The following PPP1R14C variants were observed in gnomAD, a reference collection of about 807,000 sequenced individuals.
PPP1R14C encodes the protein protein phosphatase 1 regulatory subunit 14C.
PPP1R14C carries 16 observed loss-of-function variants against 20.4 expected under a neutral mutation model. The ratio of observed to expected loss-of-function variants is 0.78; its 90% confidence interval spans 0.53 to 1.19. The LOEUF (loss-of-function observed/expected upper bound fraction) is 1.19. Among genes scored for constraint, PPP1R14C ranks in the 50% most tolerant of loss-of-function variants. The probability of loss-of-function intolerance (pLI) is 0.00; values close to 1 mark genes in which losing one functional copy is unlikely to be tolerated. For synonymous variants in PPP1R14C, 91 were observed against 91.0 expected (o/e 1.00, Z 0.00); for missense variants, 211 against 220.1 (o/e 0.96, Z 0.26).
At chr6:150,153,384 G>A (rs992415552) in intron 1 of PPP1R14C, among the ~76,000 whole-genome samples, 1 of 152,226 alleles carries the variant, frequency 6.6e-6, no homozygotes, top group East Asian at 1.9e-4. Flanking sequence ...AAGTTGTGGC[G>A]TAAGGCACAG....
intron 3 of PPP1R14C, among the ~76,000 whole-genome samples, chr6:150,231,119 C>T (rs1778289583): frequency 1.3e-5 from 2 of 152,178 alleles, no homozygotes; most frequent in Admixed American, 1.3e-4. Context: ...ATACCACGCC[C>T]CTGTGACAGA....
chr6:150,234,952 T>G (rs1778340717), intron 3 of PPP1R14C, among the ~76,000 whole-genome samples: 1 of 149,388 alleles, frequency 6.7e-6, no homozygotes, highest in African/African-American at 2.5e-5. Context: ...AGAAGCCAAG[T>G]AAAAAAGAAT....
At chr6:150,144,349 G>A (rs913263093) in intron 1 of PPP1R14C, among the ~76,000 whole-genome samples, 3 of 152,248 alleles carry the variant, frequency 2.0e-5, no homozygotes, top group Non-Finnish European at 4.4e-5. Context: ...TCTCAGGGAC[G>A]TGTATACATT....
intron 1 of PPP1R14C, among the ~76,000 whole-genome samples, chr6:150,146,000 A>G (rs1224647697): frequency 6.6e-6 from 1 of 152,236 alleles, no homozygotes; most frequent in African/African-American, 2.4e-5. Flanking sequence ...AAGAAGAAAT[A>G]CACAGAACCA....
rs145998208 is a variant in PPP1R14C at position 150,194,387 on chromosome 6, G to A, written c.307-20357G>A. 5.6e-3 allele frequency: 5,142 copies of A among 921,430 alleles called. 9 individuals are homozygous for A. Among genetic ancestry groups the A allele is most frequent in the Non-Finnish European group, 6.2e-3 (4,763 of 771,648 alleles). The allele number at this position is 921,430 out of a possible 1,614,324, so 57.1% of individuals were successfully genotyped here. A position where few individuals can be genotyped will look rare whatever the true frequency, so the allele number is the denominator to read the frequency against. ...TTGAGCCAAGATTTATCTTTCTTTGGCAACCCCTGTTTGTTTTGTCTCTTG... is the reference window on the plus strand; with the variant it reads ...TTGAGCCAAGATTTATCTTTCTTTGACAACCCCTGTTTGTTTTGTCTCTTG... On this transcript the variant is annotated intron_variant, in intron 1 of 3. Coordinates refer to ENST00000361131, the MANE Select transcript of PPP1R14C (RefSeq NM_030949.3).
chr6:150,148,818 G>T (rs115908374), intron 1 of PPP1R14C, among the ~76,000 whole-genome samples: 1 of 152,286 alleles, frequency 6.6e-6, no homozygotes, highest in African/African-American at 2.4e-5. Context: ...GGTGGCTCTA[G>T]CCTGTAATCC....
chr6:150,170,985 CT>C (rs1317549056), intron 1 of PPP1R14C, among the ~76,000 whole-genome samples: 1 of 151,706 alleles, frequency 6.6e-6, no homozygotes, highest in East Asian at 1.9e-4. Flanking sequence ...AGGAAGGTAC[CT>C]TTCCTATGTA....
intron 1 of PPP1R14C, among the ~76,000 whole-genome samples, chr6:150,174,418 G>C (rs62440054): frequency 4.6e-5 from 7 of 151,326 alleles, no homozygotes; most frequent in Non-Finnish European, 8.8e-5. Context: ...GGGTTTCACC[G>C]TGTTAGCCAG....
chr6:150,163,675 T>TA (rs1377808361), intron 1 of PPP1R14C, among the ~76,000 whole-genome samples: 5 of 152,198 alleles, frequency 3.3e-5, no homozygotes, highest in African/African-American at 1.2e-4. Context: ...ATGTGTGAGA[T>TA]ACACCCACAT....
chr6:150,148,580 A>G (rs188100664), intron 1 of PPP1R14C, among the ~76,000 whole-genome samples: 236 of 152,340 alleles, frequency 1.5e-3, no homozygotes, highest in African/African-American at 5.2e-3. Flanking sequence ...TTTTCCAGGT[A>G]CAGTATCACA....
Position 150,182,751 on chromosome 6 carries a change from G to A in PPP1R14C, c.307-31993G>A, listed in dbSNP as rs974545514. 1.1e-4 allele frequency among the ~76,000 whole-genome samples: 16 copies of A among 152,320 alleles called. No homozygotes were observed. The East Asian group carries it at 2.9e-3, about 28-fold the overall frequency. On this transcript the variant is annotated intron_variant, in intron 1 of 3. Coordinates refer to ENST00000361131, the MANE Select transcript of PPP1R14C (RefSeq NM_030949.3). ...CCAAGTAGGTACAATAGCCAGCCAT[G>A]CTTTGCTTAGTGATGGGGATATGTT...
intron 1 of PPP1R14C, among the ~76,000 whole-genome samples, chr6:150,173,768 G>A (rs1777525587): frequency 6.6e-6 from 1 of 152,110 alleles, no homozygotes; most frequent in Non-Finnish European, 1.5e-5. Context: ...TATGGAACTG[G>A]CCCATGGTCA....
intron 3 of PPP1R14C, among the ~76,000 whole-genome samples, chr6:150,244,417 C>G (rs550449593): frequency 2.6e-5 from 4 of 152,330 alleles, no homozygotes; most frequent in African/African-American, 9.6e-5. Flanking sequence ...GGCTCCAAGT[C>G]CTCTAGCAAA....
intron 1 of PPP1R14C, among the ~76,000 whole-genome samples, chr6:150,156,857 T>C (rs940624532): frequency 6.6e-6 from 1 of 152,228 alleles, no homozygotes; most frequent in Non-Finnish European, 1.5e-5. Context: ...TTTACTAATC[T>C]TATACCAGAA....
chr6:150,190,261 A>G (rs138497406), intron 1 of PPP1R14C, among the ~76,000 whole-genome samples: 45 of 152,062 alleles, frequency 3.0e-4, no homozygotes, highest in Admixed American at 1.0e-3. Flanking sequence ...CTCCACCTGA[A>G]CACTTAGTAA....
At chr6:150,198,591 T>C (rs1292443232) in intron 1 of PPP1R14C, among the ~76,000 whole-genome samples, 2 of 152,250 alleles carry the variant, frequency 1.3e-5, no homozygotes, top group African/African-American at 4.8e-5. Flanking sequence ...CGGTCTTGTT[T>C]GCAATGGAGG....
chr6:150,150,608 C>T (rs2114850745), intron 1 of PPP1R14C, among the ~76,000 whole-genome samples: 1 of 152,272 alleles, frequency 6.6e-6, no homozygotes, highest in South Asian at 2.1e-4. Context: ...GTGGCACATG[C>T]TTTGGCCACA....
intron 3 of PPP1R14C, among the ~76,000 whole-genome samples, chr6:150,246,451 G>A (rs540148022): frequency 2.8e-4 from 43 of 152,240 alleles, no homozygotes; most frequent in East Asian, 2.7e-3. Context: ...AATAGGAAAT[G>A]CATTTACATT....
chr6:150,171,839 G>A (rs1253329012), intron 1 of PPP1R14C, among the ~76,000 whole-genome samples: 1 of 151,840 alleles, frequency 6.6e-6, no homozygotes, highest in African/African-American at 2.4e-5. Context: ...ACGGAGTCTT[G>A]CTCTCACCCA....
Sources: gnomAD v4.1 joint callset for allele counts (sites outside exome capture counted in the v4.1 genomes callset) on GRCh38, gnomAD v4.1.1 for gene constraint, MANE v1.5 for transcripts, NCBI Gene and HGNC (gene_info 2026-07-23, HGNC 2026-07-21) for gene names.